SOCS3: variants seen among roughly 807,000 people sequenced by gnomAD.
The protein encoded by SOCS3 is STAT-induced STAT inhibitor 3.
SOCS3 carries 5 observed loss-of-function variants against 11.7 expected under a neutral mutation model. The observed-to-expected ratio is 0.43, with a 90% CI of 0.22 to 0.90. The LOEUF is 0.90. SOCS3 is among the 40% of genes least tolerant of loss of function. SOCS3 has a pLI of 0.27. For missense variants in SOCS3, 203 were observed against 302.0 expected, an observed-to-expected ratio of 0.67 and a Z score of 2.43; for synonymous variants, 143 against 136.3, an observed-to-expected ratio of 1.05 and a Z score of -0.34.
At chr17:78,360,132 A>G (rs111033850), upstream of SOCS3, 2,623 of 160,912 alleles carry the variant, frequency 0.016, 88 homozygotes, top group East Asian at 0.13. The surrounding 1 kb of genome is among the most constrained non-coding windows in gnomAD (Gnocchi z 5.6). Context: ...CCGCCCCCCG[A>G]TTCCTGGAAC....
At chr17:78,359,251 TC>T (rs1254770056) in intron 1 of SOCS3, 68 bp from the exon 2 acceptor site, 10 of 696,484 alleles carry the variant, frequency 1.4e-5, no homozygotes, top group Non-Finnish European at 2.1e-5. Flanking sequence ...CCGCCCCGGC[TC>T]CCCTGCCTTC....
At position 78,358,548 on chromosome 17, in the gene SOCS3, G is replaced by A; in HGVS notation, c.548C>T (p.Ser183Phe). The change falls in exon 2 of 2, where the codon TCC (serine) becomes TTC (phenylalanine). Residue 183 changes from serine to phenylalanine, a missense_variant. Physicochemically the swap from Ser to Phe is radical, Grantham distance 155. Around this residue, in one of 3 missense-constraint regions of SOCS3, gnomAD observed 141 missense variants for 200.5 expected, o/e 0.70. Transcript: ENST00000330871. The surrounding 1 kb of genome is among the most constrained non-coding windows in gnomAD (Gnocchi z 4.7). ...ATGCTGAAGAGTGGCCACGTTGGAG[G>A]AGAGGGGCCGGCTCAACACCAGGGG... ...KIPLVLSRPL[S>F]SNVATLQHLC... 1.2e-6 allele frequency: 2 copies of A among 1,613,550 alleles called. No homozygotes were observed. Among genetic ancestry groups the A allele is most frequent in the South Asian group, 1.1e-5 (1 of 91,070 alleles).
At chr17:78,359,592 C>T (rs1310133124) in intron 1 of SOCS3, among the ~76,000 whole-genome samples, 158 bp downstream of exon 1, 1 of 152,140 alleles carries the variant, frequency 6.6e-6, no homozygotes, top group African/African-American at 2.4e-5. Context: ...AAGGCCCCAG[C>T]CGGAGTATTC....
In SOCS3 at chr17:78,359,056, G is replaced by C. The variant is rs1160769506; in HGVS notation, c.40C>G (p.Arg14Gly). Residue 14 changes from arginine to glycine, a missense_variant, in exon 2 of 2, where the codon CGC becomes GGC. Arg to Gly is a moderately radical substitution (Grantham distance 125). Transcript: ENST00000330871. ...HSKFPAAGMSRPLDTSLRLKT... is the reference protein window; with the variant it reads ...HSKFPAAGMSGPLDTSLRLKT... ...AGGCGCAGGCTGGTGTCCAGGGGGC[G>C]GCTCATCCCGGCGGCGGGAAACTTG... The C allele has an allele frequency of 6.4e-7, 1 of 1,570,556 alleles. No homozygotes were observed. Among genetic ancestry groups the C allele is most frequent in the Admixed American group, 1.8e-5 (1 of 54,120 alleles).
upstream of SOCS3, chr17:78,360,892 G>T (rs1197455937): frequency 3.3e-5 from 5 of 152,492 alleles, no homozygotes; most frequent in Admixed American, 2.0e-4. This position sits in a 1 kb window ranked among gnomAD's most constrained non-coding sequence, Gnocchi z 5.6. Flanking sequence ...AGGTGCTCTC[G>T]GCCGGGCTGG....
chr17:78,359,399 C>T (rs1266835222), intron 1 of SOCS3, among the ~76,000 whole-genome samples: 1 of 152,278 alleles, frequency 6.6e-6, no homozygotes, highest in Non-Finnish European at 1.5e-5. Flanking sequence ...CAGGCGCGCA[C>T]TGCAAGGGCG....
At chr17:78,359,316 C>T in intron 1 of SOCS3, 133 bp from the exon 2 acceptor site, 1 of 416,832 alleles carries the variant, frequency 2.4e-6, no homozygotes, top group Admixed American at 4.6e-5. Flanking sequence ...GGCCCGCGCT[C>T]CGATCCAGGC....
chr17:78,358,129 T>G lies in SOCS3; in HGVS notation c.*289A>C. 2.3e-6 allele frequency: 1 copy of G among 427,178 alleles called. No homozygotes were observed. The highest frequency in any genetic ancestry group is 4.3e-6 in the Non-Finnish European group (1 of 234,070). The allele number at this position is 427,178 out of a possible 1,614,324, so 26.5% of individuals were successfully genotyped here. On this transcript the variant is annotated 3_prime_UTR_variant, in exon 2 of 2. Transcript: ENST00000330871. This position sits in a 1 kb window ranked among gnomAD's most constrained non-coding sequence, Gnocchi z 4.7. ...CCCTGTTTGGAGGCAGAGGGGAAGC[T>G]GAGGAATTGAAGGAGAATCCACTTG...
chr17:78,358,212 T>A lies in SOCS3; in HGVS notation c.*206A>T, dbSNP rs1399092162. On this transcript the variant is annotated 3_prime_UTR_variant, in exon 2 of 2. Coordinates refer to ENST00000330871, the MANE Select transcript of SOCS3 (RefSeq NM_003955.5). This position sits in a 1 kb window ranked among gnomAD's most constrained non-coding sequence, Gnocchi z 4.7. ...CCTCCGGAGAAGCTGGAGACTCAGG[T>A]GGTACTCCCCCTTCCCTCCAACACA... is the stretch of plus-strand genomic sequence containing the variant. The A allele has an allele frequency of 5.2e-6, 3 of 575,656 alleles. No homozygotes were observed. The highest frequency in any genetic ancestry group is 9.3e-6 in the Non-Finnish European group (3 of 323,866). 35.7% of individuals were successfully genotyped at this position (575,656 alleles called of 1,614,324 possible).
In SOCS3 at chr17:78,358,555, G is replaced by C; in HGVS notation, c.541C>G (p.Pro181Ala). The change falls in exon 2 of 2, where the codon CCC (proline) becomes GCC (alanine). Residue 181 changes from proline (P) to alanine (A), a missense_variant. Pro to Ala is a conservative substitution (Grantham distance 27). This residue lies in a region of SOCS3 where 141 missense variants were observed against 200.5 expected (regional missense o/e 0.70). Transcript: ENST00000330871. The surrounding 1 kb of genome is among the most constrained non-coding windows in gnomAD (Gnocchi z 4.7). The stretch of plus-strand genomic sequence containing the variant: ...AGAGTGGCCACGTTGGAGGAGAGGG[G>C]CCGGCTCAACACCAGGGGGATCTTC... ...GEKIPLVLSR[P>A]LSSNVATLQH... 6.2e-7 allele frequency: 1 copy of C among 1,613,478 alleles called. No homozygotes were observed. Among genetic ancestry groups the C allele is most frequent in the Non-Finnish European group, 8.5e-7 (1 of 1,179,958 alleles).
chr17:78,358,064 T>A lies in SOCS3; in HGVS notation c.*354A>T. The stretch of plus-strand genomic sequence containing the variant: ...AAGTTCCGTTGGAAAGTTTGAAGAT[T>A]CCCTGGCAGTTCTCATTAGTTCAGC... On this transcript the variant is annotated 3_prime_UTR_variant, in exon 2 of 2. Transcript: ENST00000330871. The surrounding 1 kb of genome is among the most constrained non-coding windows in gnomAD (Gnocchi z 4.7). 1 of 258,154 alleles carries A rather than the reference T, an allele frequency of 3.9e-6. No homozygotes were observed. The highest frequency in any genetic ancestry group is 7.5e-6 in the Non-Finnish European group (1 of 132,744). The allele number at this position is 258,154 out of a possible 1,614,324, so 16.0% of individuals were successfully genotyped here. A position where few individuals can be genotyped will look rare whatever the true frequency, so the allele number is the denominator to read the frequency against.
chr17:78,358,441 C>G lies in SOCS3; in HGVS notation c.655G>C (p.Asp219His). The change falls in exon 2 of 2, where the codon GAC becomes CAC. Residue 219 changes from aspartate (D) to histidine (H), a missense_variant. By Grantham distance (81) the Asp-to-His change is moderately conservative (BLOSUM62 -1). Around this residue, in one of 3 missense-constraint regions of SOCS3, gnomAD observed 141 missense variants for 200.5 expected, o/e 0.70. Coordinates refer to ENST00000330871, the MANE Select transcript of SOCS3 (RefSeq NM_003955.5). This position sits in a 1 kb window ranked among gnomAD's most constrained non-coding sequence, Gnocchi z 4.7. ...QLPGPIREFLDQYDAPL is the reference protein window; with the variant it reads ...QLPGPIREFLHQYDAPL The stretch of plus-strand genomic sequence containing the variant: ...CCTTAAAGCGGGGCATCGTACTGGT[C>G]CAGGAACTCCCGAATGGGCCCCGGC... 6.2e-7 allele frequency: 1 copy of G among 1,613,722 alleles called. No individual in the cohort carries two copies. The highest frequency in any genetic ancestry group is 1.1e-5 in the South Asian group (1 of 91,080).
Position 78,358,140 on chromosome 17 carries a change from A to G in SOCS3, c.*278T>C, listed in dbSNP as rs2081581691. ...GGCAGAGGGGAAGCTGAGGAATTGA[A>G]GGAGAATCCACTTGTGGTTGCTATC... is the stretch of plus-strand genomic sequence containing the variant. On this transcript the variant is annotated 3_prime_UTR_variant, in exon 2 of 2. Coordinates refer to ENST00000330871, the MANE Select transcript of SOCS3 (RefSeq NM_003955.5). This position sits in a 1 kb window ranked among gnomAD's most constrained non-coding sequence, Gnocchi z 4.7. The G allele has an allele frequency of 2.2e-6, 1 of 449,542 alleles. No homozygotes were observed. 27.8% of individuals were successfully genotyped at this position (449,542 alleles called of 1,614,324 possible). A position where few individuals can be genotyped will look rare whatever the true frequency, so the allele number is the denominator to read the frequency against.
intron 1 of SOCS3, 34 bp from the exon 2 acceptor site, chr17:78,359,217 C>T: frequency 4.7e-6 from 5 of 1,065,390 alleles, no homozygotes; most frequent in Non-Finnish European, 6.4e-6. Context: ...CGTTGAGTGC[C>T]CGGAACCCTC....
chr17:78,359,435 G>A (rs564131587), intron 1 of SOCS3, among the ~76,000 whole-genome samples: 3 of 152,252 alleles, frequency 2.0e-5, no homozygotes, highest in Admixed American at 1.3e-4. Flanking sequence ...GCGCGCGGAA[G>A]TTAGGTCTCC....
Position 78,358,508 on chromosome 17 carries a change from G to C in SOCS3, c.588C>G (p.Thr196=), listed in dbSNP as rs370856663. 2 of 1,613,722 alleles carry C rather than the reference G, an allele frequency of 1.2e-6. No homozygotes were observed. The highest frequency in any genetic ancestry group is 1.7e-6 in the Non-Finnish European group (2 of 1,179,960). Residue 196 remains threonine (T), a synonymous_variant, in exon 2 of 2, where the codon ACC becomes ACG. Transcript: ENST00000330871. This position sits in a 1 kb window ranked among gnomAD's most constrained non-coding sequence, Gnocchi z 4.7. ...CATAGGAGTCCAGGTGGCCGTTGAC[G>C]GTCTTCCGACAGAGATGCTGAAGAG... ...VATLQHLCRK[T]VNGHLDSYEK...
At position 78,356,914 on chromosome 17, in the gene SOCS3, G is replaced by C. The variant is rs375207007; in HGVS notation, c.*1504C>G. 9.8e-5 allele frequency: 15 copies of C among 152,514 alleles called. No individual in the cohort carries two copies. The highest frequency in any genetic ancestry group is 3.6e-4 in the African/African-American group (15 of 41,376). 9.4% of individuals were successfully genotyped at this position (152,514 alleles called of 1,614,324 possible). A position where few individuals can be genotyped will look rare whatever the true frequency, so the allele number is the denominator to read the frequency against. On this transcript the variant is annotated 3_prime_UTR_variant, in exon 2 of 2. Transcript: ENST00000330871. The surrounding 1 kb of genome is among the most constrained non-coding windows in gnomAD (Gnocchi z 6.1). Reference sequence around the variant, plus strand: ...TTCAAGCATCTCCTAATAGCCTCAAGGGCCTGAGTAGGGGGGAGGAGAGAG... The same window carrying C: ...TTCAAGCATCTCCTAATAGCCTCAACGGCCTGAGTAGGGGGGAGGAGAGAG...
At position 78,358,278 on chromosome 17, in the gene SOCS3, G is replaced by C. The variant is rs2081582854; in HGVS notation, c.*140C>G. 1 of 758,246 alleles carries C rather than the reference G, an allele frequency of 1.3e-6. No homozygotes were observed. Among genetic ancestry groups the C allele is most frequent in the Non-Finnish European group, 2.2e-6 (1 of 461,178 alleles). 47.0% of individuals were successfully genotyped at this position (758,246 alleles called of 1,614,324 possible). A position where few individuals can be genotyped will look rare whatever the true frequency, so the allele number is the denominator to read the frequency against. ...CCACATTCTGCAGGGAGAGGGCAGA[G>C]GGAGGGGCCTGTCCGCCCTCTTTCC... On this transcript the variant is annotated 3_prime_UTR_variant, in exon 2 of 2. Coordinates refer to ENST00000330871, the MANE Select transcript of SOCS3 (RefSeq NM_003955.5). The surrounding 1 kb of genome is among the most constrained non-coding windows in gnomAD (Gnocchi z 4.7).
Position 78,357,337 on chromosome 17 carries a change from G to A in SOCS3, c.*1081C>T, listed in dbSNP as rs1225517773. 33 of 152,200 alleles carry A rather than the reference G, an allele frequency of 2.2e-4. No individual in the cohort carries two copies. Among genetic ancestry groups the A allele is most frequent in the Admixed American group, 2.2e-3 (33 of 15,282 alleles). The allele number at this position is 152,200 out of a possible 1,614,324, so 9.4% of individuals were successfully genotyped here. A position where few individuals can be genotyped will look rare whatever the true frequency, so the allele number is the denominator to read the frequency against. On this transcript the variant is annotated 3_prime_UTR_variant, in exon 2 of 2. Transcript: ENST00000330871. This position sits in a 1 kb window ranked among gnomAD's most constrained non-coding sequence, Gnocchi z 7.0. ...CCTGGTGGCTCTGCTCTGACCACGA[G>A]GCGCCTGACTGGCCAATACTTACTG...
Sources: gnomAD v4.1 joint callset for allele counts (sites outside exome capture counted in the v4.1 genomes callset) on GRCh38, gnomAD v4.1.1 for gene constraint, gnomAD v4.1.1 regional missense constraint, Gnocchi (gnomAD v3.1) non-coding constraint, MANE v1.5 for transcripts, NCBI Gene and HGNC (gene_info 2026-07-23, HGNC 2026-07-21) for gene names.